LTBP1: variants seen among roughly 807,000 people sequenced by gnomAD.
LTBP1 encodes the protein latent transforming growth factor beta binding protein 1.
LTBP1 carries 129 observed loss-of-function variants against 207.6 expected under a neutral mutation model. The ratio of observed to expected loss-of-function variants is 0.62; its 90% confidence interval spans 0.54 to 0.72. LTBP1 has a LOEUF of 0.72. Among genes scored for constraint, LTBP1 ranks in the 30% least tolerant of loss-of-function variants. The pLI, the probability that LTBP1 is intolerant of heterozygous loss-of-function variation, is 0.00. For synonymous variants in LTBP1, 963 were observed against 833.7 expected (o/e 1.16, Z -2.67); for missense variants, 2,281 against 2,217.2 (o/e 1.03, Z -0.58).
intron 3 of LTBP1, among the ~76,000 whole-genome samples, chr2:33,107,980 G>A (rs144266880): frequency 1.4e-4 from 22 of 152,112 alleles, no homozygotes; most frequent in Admixed American, 3.9e-4. Flanking sequence ...TGAAATACTC[G>A]GGGTAACAGA....
At chr2:32,995,776 G>A (rs1489558753) in intron 2 of LTBP1, among the ~76,000 whole-genome samples, 2 of 152,172 alleles carry the variant, frequency 1.3e-5, no homozygotes, top group African/African-American at 2.4e-5. Context: ...GCAACAGAGC[G>A]AGACTCTGTC....
At chr2:33,366,356 A>T (rs899122288) in intron 31 of LTBP1, among the ~76,000 whole-genome samples, 2 of 152,220 alleles carry the variant, frequency 1.3e-5, no homozygotes, top group African/African-American at 4.8e-5. Flanking sequence ...GAGAGGGGAA[A>T]AATTGCTTGA....
At chr2:33,258,342 A>G (rs2092917659) in intron 12 of LTBP1, among the ~76,000 whole-genome samples, 1 of 152,186 alleles carries the variant, frequency 6.6e-6, no homozygotes, top group Admixed American at 6.5e-5. Flanking sequence ...TTCACAGTTG[A>G]TTCTGAGGTC....
At chr2:33,303,897 A>G (rs2094040213) in intron 22 of LTBP1, among the ~76,000 whole-genome samples, 1 of 152,156 alleles carries the variant, frequency 6.6e-6, no homozygotes, top group Admixed American at 6.5e-5. Flanking sequence ...CTAAAAATGT[A>G]AACTGACCAT....
At chr2:33,236,631 A>G (rs2092064695) in intron 9 of LTBP1, among the ~76,000 whole-genome samples, 2 of 152,162 alleles carry the variant, frequency 1.3e-5, no homozygotes, top group East Asian at 1.9e-4. Context: ...AGCACATTGT[A>G]TTTTTCAATA....
At chr2:33,147,078 T>G (rs2083114292) in intron 5 of LTBP1, among the ~76,000 whole-genome samples, 1 of 152,238 alleles carries the variant, frequency 6.6e-6, no homozygotes, top group South Asian at 2.1e-4. Flanking sequence ...TGACTTCAAA[T>G]GCCTGCCTTC....
intron 5 of LTBP1, among the ~76,000 whole-genome samples, chr2:33,178,474 A>G (rs1473747801): frequency 6.6e-6 from 1 of 152,190 alleles, no homozygotes; most frequent in Non-Finnish European, 1.5e-5. Context: ...CTCCTGGGTT[A>G]TAAACAGAAC....
chr2:33,347,257 G>T, intron 25 of LTBP1, 110 bp from the exon 26 acceptor site: 1 of 1,231,168 alleles, frequency 8.1e-7, no homozygotes, highest in East Asian at 2.4e-5. Flanking sequence ...CTGCTCTCTG[G>T]GGATCGCCTT....
At chr2:33,120,069 G>T (rs1322409959) in intron 4 of LTBP1, among the ~76,000 whole-genome samples, 1 of 150,494 alleles carries the variant, frequency 6.6e-6, no homozygotes, top group Non-Finnish European at 1.5e-5. Flanking sequence ...GGTAGTTGCA[G>T]TATGGTTATA....
At chr2:33,238,040 T>C (rs2092130723) in intron 9 of LTBP1, among the ~76,000 whole-genome samples, 1 of 121,748 alleles carries the variant, frequency 8.2e-6, no homozygotes, top group African/African-American at 4.3e-5. Context: ...TTTGGAAGTT[T>C]AAGAAATATA....
intron 20 of LTBP1, among the ~76,000 whole-genome samples, chr2:33,298,419 A>G (rs750565182): frequency 5.9e-5 from 9 of 152,246 alleles, no homozygotes; most frequent in Non-Finnish European, 1.0e-4. Context: ...ACATCTTCAC[A>G]TGGGAATGCT....
intron 7 of LTBP1, among the ~76,000 whole-genome samples, chr2:33,196,284 A>T (rs945134005): frequency 6.7e-6 from 1 of 148,878 alleles, no homozygotes; most frequent in Non-Finnish European, 1.5e-5. Flanking sequence ...TGAATATCTC[A>T]GTATATTGGA....
At chr2:33,304,616 C>A (rs2094054705) in intron 22 of LTBP1, among the ~76,000 whole-genome samples, 1 of 152,174 alleles carries the variant, frequency 6.6e-6, no homozygotes, top group Admixed American at 6.5e-5. Flanking sequence ...TCTTAGGAGT[C>A]TGGAGCATCT....
At chr2:33,373,790 A>G (rs542580641) in intron 31 of LTBP1, among the ~76,000 whole-genome samples, 2 of 152,314 alleles carry the variant, frequency 1.3e-5, no homozygotes, top group Admixed American at 6.5e-5. Context: ...CAATTCTGGA[A>G]CAGGTGTAAA....
At position 32,946,986 on chromosome 2, in the gene LTBP1, C is replaced by T. The variant is rs570030852; in HGVS notation, c.-339C>T. ...CCGCGCGCTCTCGCTCGCTCTCGGCCACCCTCGCCGGGCCCCGCTGCGGCG... is the reference window on the plus strand; with the variant it reads ...CCGCGCGCTCTCGCTCGCTCTCGGCTACCCTCGCCGGGCCCCGCTGCGGCG... On this transcript the variant is annotated 5_prime_UTR_variant, in exon 1 of 34. Coordinates refer to ENST00000404816, the MANE Select transcript of LTBP1 (RefSeq NM_206943.4). The T allele has an allele frequency of 3.6e-3, 715 of 198,036 alleles. 8 individuals carry two copies. The highest frequency in any genetic ancestry group is 0.025 in the Middle Eastern group (14 of 564). The allele number at this position is 198,036 out of a possible 1,614,324, so 12.3% of individuals were successfully genotyped here. A position where few individuals can be genotyped will look rare whatever the true frequency, so the allele number is the denominator to read the frequency against.
At chr2:33,116,848 A>T (rs776277857) in intron 4 of LTBP1, among the ~76,000 whole-genome samples, 6 of 152,276 alleles carry the variant, frequency 3.9e-5, no homozygotes, top group Middle Eastern at 3.4e-3. Context: ...TGTTAAACCT[A>T]ACCTTTTTTG....
At position 33,262,782 on chromosome 2, in the gene LTBP1, C is replaced by G. The variant is rs2093055421; in HGVS notation, c.2479C>G (p.Pro827Ala). Reference sequence around the variant, plus strand: ...TGAGCCTGGTCAACCCCAGCTGTCTCCAGGCATTTCCACTATTCATCTGCA... The same window carrying G: ...TGAGCCTGGTCAACCCCAGCTGTCTGCAGGCATTTCCACTATTCATCTGCA... ...KLEPGQPQLS[P>A]GISTIHLHPQ... Residue 827 changes from proline (P) to alanine (A), a missense_variant, in exon 14 of 34, where the codon CCA becomes GCA. Pro to Ala is a conservative substitution (Grantham distance 27). This residue lies in a region of LTBP1 where 1,671 missense variants were observed against 1,634.8 expected (regional missense o/e 1.02). Transcript: ENST00000404816. 1 of 1,606,748 alleles carries G rather than the reference C, an allele frequency of 6.2e-7. No homozygotes were observed. The highest frequency in any genetic ancestry group is 8.5e-7 in the Non-Finnish European group (1 of 1,175,546).
intron 31 of LTBP1, among the ~76,000 whole-genome samples, chr2:33,382,058 T>C (rs2095220561): frequency 6.9e-6 from 1 of 145,688 alleles, no homozygotes. Context: ...CTACAGCAGT[T>C]AGCGCCCTAC....
chr2:33,376,738 A>G (rs1274095497), intron 31 of LTBP1, among the ~76,000 whole-genome samples: 1 of 152,172 alleles, frequency 6.6e-6, no homozygotes, highest in South Asian at 2.1e-4. Flanking sequence ...TCCTAAGGGG[A>G]TATCCTCACC....
Sources: allele counts gnomAD v4.1 joint callset (sites outside exome capture counted in the v4.1 genomes callset), GRCh38; gene constraint gnomAD v4.1.1; regional missense constraint gnomAD v4.1.1; transcripts MANE v1.5; gene names NCBI Gene and HGNC (gene_info 2026-07-23, HGNC 2026-07-21).